MYOZ2: variants seen among roughly 807,000 people sequenced by gnomAD.
MYOZ2 encodes myozenin 2, also known as myozenin-2.
In MYOZ2, 19 loss-of-function variants were observed where a neutral mutation model predicts 25.4. The observed-to-expected ratio is 0.75, with a 90% confidence interval of 0.52 to 1.10. The LOEUF (loss-of-function observed/expected upper bound fraction) is 1.10. MYOZ2 is among the 50% of genes least tolerant of loss of function. MYOZ2 has a pLI of 0.00. For synonymous variants in MYOZ2, 92 were observed against 106.9 expected (o/e 0.86, Z 0.86); for missense variants, 270 against 317.9 (o/e 0.85, Z 1.15).
At chr4:119,164,507 A>C in intron 5 of MYOZ2, 113 bp downstream of exon 5, 1 of 1,017,680 alleles carries the variant, frequency 9.8e-7, no homozygotes, top group South Asian at 1.4e-5. Flanking sequence ...TGAGAAAAGA[A>C]TCTAAATAGC....
intron 4 of MYOZ2, among the ~76,000 whole-genome samples, chr4:119,162,300 G>A (rs1303114419): frequency 6.6e-6 from 1 of 152,162 alleles, no homozygotes. Flanking sequence ...AGGCTGGACG[G>A]GCTTAAGGGC....
At chr4:119,178,475 C>G (rs1360672879) in intron 5 of MYOZ2, among the ~76,000 whole-genome samples, 1 of 152,214 alleles carries the variant, frequency 6.6e-6, no homozygotes, top group Non-Finnish European at 1.5e-5. Flanking sequence ...GGCTCCTTTT[C>G]CAATCTGCCC....
Position 119,158,017 on chromosome 4 carries a change from T to C in MYOZ2, c.247-5T>C. On this transcript the variant is annotated splice_polypyrimidine_tract_variant and splice_region_variant and intron_variant, in intron 3 of 5. Coordinates refer to ENST00000307128, the MANE Select transcript of MYOZ2 (RefSeq NM_016599.5). ...TCAGCAGAGTTTACTTTTGATTAAA[T>C]ACAGCACAGTATTGCTATGCAGAAT... The C allele has an allele frequency of 6.2e-7, 1 of 1,613,996 alleles. No homozygotes were observed. Among genetic ancestry groups the C allele is most frequent in the Non-Finnish European group, 8.5e-7 (1 of 1,179,918 alleles).
chr4:119,144,894 G>T (rs376330367), intron 2 of MYOZ2, among the ~76,000 whole-genome samples: 60 of 152,252 alleles, frequency 3.9e-4, no homozygotes, highest in African/African-American at 1.3e-3. Flanking sequence ...TCTGTAGCTT[G>T]TCTTTTCATC....
At chr4:119,153,004 G>C (rs1218867936) in intron 3 of MYOZ2, among the ~76,000 whole-genome samples, 1 of 150,850 alleles carries the variant, frequency 6.6e-6, no homozygotes, top group African/African-American at 2.4e-5. Context: ...GGAGACCAAG[G>C]TTTGGTCCTG....
At chr4:119,148,725 A>ATTTTTTTTTTT (rs202187477) in intron 2 of MYOZ2, among the ~76,000 whole-genome samples, 2 of 67,134 alleles carry the variant, frequency 3.0e-5, no homozygotes, top group African/African-American at 6.5e-5. Flanking sequence ...CTCGACTGAG[A>ATTTTTTTTTTT]TTTTTTTTTT....
chr4:119,176,901 T>G (rs2149228743), intron 5 of MYOZ2, among the ~76,000 whole-genome samples: 1 of 152,264 alleles, frequency 6.6e-6, no homozygotes, highest in South Asian at 2.1e-4. Flanking sequence ...ATTCAGTAAG[T>G]TTAGGTTGTG....
At chr4:119,180,500 C>T (rs116352726) in intron 5 of MYOZ2, among the ~76,000 whole-genome samples, 2,901 of 152,220 alleles carry the variant, frequency 0.019, 95 homozygotes, top group African/African-American at 0.066. Context: ...ATATTTTAAA[C>T]TAGATAAATA....
intron 4 of MYOZ2, among the ~76,000 whole-genome samples, chr4:119,163,972 CTG>C (rs1346105504): frequency 1.3e-5 from 2 of 152,184 alleles, no homozygotes; most frequent in African/African-American, 4.8e-5. Flanking sequence ...CAAGAAAAAA[CTG>C]TATAATTTGG....
At chr4:119,179,090 A>G (rs1418411007) in intron 5 of MYOZ2, among the ~76,000 whole-genome samples, 1 of 152,198 alleles carries the variant, frequency 6.6e-6, no homozygotes, top group African/African-American at 2.4e-5. Flanking sequence ...TCCCCTTCCA[A>G]CTAAAAACTT....
At chr4:119,147,743 C>A (rs1431347650) in intron 2 of MYOZ2, among the ~76,000 whole-genome samples, 464 of 119,494 alleles carry the variant, frequency 3.9e-3, no homozygotes, top group Non-Finnish European at 4.6e-3. Context: ...GACTCTGTCT[C>A]AAAAAAAAAA....
At chr4:119,175,083 C>T (rs574560771) in intron 5 of MYOZ2, among the ~76,000 whole-genome samples, 36 of 152,114 alleles carry the variant, frequency 2.4e-4, no homozygotes, top group Admixed American at 1.7e-3. Context: ...AGCTGTAACA[C>T]TCACCGAGAG....
At chr4:119,174,564 A>T (rs534732332) in intron 5 of MYOZ2, among the ~76,000 whole-genome samples, 1 of 152,260 alleles carries the variant, frequency 6.6e-6, no homozygotes, top group Admixed American at 6.5e-5. Flanking sequence ...CTTTGTGTCC[A>T]TACTCTGTAT....
At chr4:119,160,146 G>T (rs1741672627) in intron 4 of MYOZ2, among the ~76,000 whole-genome samples, 1 of 152,096 alleles carries the variant, frequency 6.6e-6, no homozygotes, top group African/African-American at 2.4e-5. Context: ...GCTTTACAGG[G>T]TCACTGTGCA....
At chr4:119,181,815 A>G (rs1325197717) in intron 5 of MYOZ2, among the ~76,000 whole-genome samples, 1 of 152,242 alleles carries the variant, frequency 6.6e-6, no homozygotes, top group Non-Finnish European at 1.5e-5. Context: ...AAAAAAGAAC[A>G]TAAATTTAGC....
At chr4:119,171,376 T>C (rs1172525050) in intron 5 of MYOZ2, among the ~76,000 whole-genome samples, 2 of 152,006 alleles carry the variant, frequency 1.3e-5, no homozygotes, top group East Asian at 1.9e-4. Flanking sequence ...TTTTACCTTA[T>C]GTTTTGTGCA....
chr4:119,165,111 C>A (rs879434640), intron 5 of MYOZ2, among the ~76,000 whole-genome samples: 3 of 148,362 alleles, frequency 2.0e-5, no homozygotes, highest in Non-Finnish European at 4.5e-5. Context: ...AAGTTAGACT[C>A]AATTTATAGG....
intron 2 of MYOZ2, among the ~76,000 whole-genome samples, chr4:119,141,035 A>T (rs1455479373): frequency 6.6e-6 from 1 of 152,254 alleles, no homozygotes; most frequent in East Asian, 1.9e-4. Context: ...CTATGATCTT[A>T]CATGTTATAT....
At chr4:119,168,292 G>A (rs2149226503) in intron 5 of MYOZ2, among the ~76,000 whole-genome samples, 1 of 152,240 alleles carries the variant, frequency 6.6e-6, no homozygotes, top group East Asian at 1.9e-4. Context: ...TATGCCTGTT[G>A]ACACAACATC....
Sources: allele counts gnomAD v4.1 joint callset (sites outside exome capture counted in the v4.1 genomes callset), GRCh38; gene constraint gnomAD v4.1.1; transcripts MANE v1.5; gene names NCBI Gene and HGNC (gene_info 2026-07-23, HGNC 2026-07-21).